Variants in ARID5B observed in about 807,000 individuals in gnomAD.
The protein encoded by ARID5B is AT-rich interaction domain 5B.
ARID5B carries 13 observed loss-of-function variants against 97.2 expected under a neutral mutation model. The ratio of observed to expected loss-of-function variants is 0.13; its 90% CI spans 0.09 to 0.21. The LOEUF is 0.21. ARID5B is among the 10% of genes least tolerant of loss of function. The pLI is 1.00. For missense variants in ARID5B, 1,210 were observed against 1,465.3 expected (o/e 0.83, Z 2.84); for synonymous variants, 556 against 570.3 (o/e 0.97, Z 0.36).
intron 3 of ARID5B, among the ~76,000 whole-genome samples, chr10:61,954,706 G>C (rs1432639002): frequency 6.6e-6 from 1 of 152,100 alleles, no homozygotes; most frequent in Non-Finnish European, 1.5e-5. Flanking sequence ...TGTCCTTGTG[G>C]TATCTATTTA....
At chr10:62,035,111 G>A (rs1001545167) in intron 4 of ARID5B, among the ~76,000 whole-genome samples, 2 of 152,188 alleles carry the variant, frequency 1.3e-5, no homozygotes, top group African/African-American at 4.8e-5. Flanking sequence ...TTACAATGTG[G>A]GTGTATATGT....
chr10:61,970,927 G>C (rs78103769), intron 3 of ARID5B, among the ~76,000 whole-genome samples: 166 of 151,956 alleles, frequency 1.1e-3, no homozygotes, highest in African/African-American at 3.8e-3. Context: ...TTATTTTTCT[G>C]TAAGTAGATT....
chr10:62,091,099 C>A lies in ARID5B; in HGVS notation c.1636C>A (p.Pro546Thr). 6.2e-7 allele frequency: 1 copy of A among 1,614,120 alleles called. No homozygotes were observed. Among genetic ancestry groups the A allele is most frequent in the East Asian group, 2.2e-5 (1 of 44,884 alleles). The change falls in exon 10 of 10, where the codon CCT becomes ACT. Residue 546 changes from proline (P) to threonine (T), a missense_variant. Physicochemically the swap from Pro to Thr is conservative, Grantham distance 38. This residue lies in a region of ARID5B where 800 missense variants were observed against 839.1 expected (regional missense o/e 0.95). Transcript: ENST00000279873. ...GCCCACACCTCCACTCCCAAGTGCTCCTCTGGCCCCAGAAAAAGATTCAGC... is the reference window on the plus strand; with the variant it reads ...GCCCACACCTCCACTCCCAAGTGCTACTCTGGCCCCAGAAAAAGATTCAGC... ...KGPTPPLPSA[P>T]LAPEKDSALV...
At chr10:61,996,221 C>T (rs148093079) in intron 3 of ARID5B, among the ~76,000 whole-genome samples, 142 of 152,242 alleles carry the variant, frequency 9.3e-4, no homozygotes, top group African/African-American at 3.2e-3. Context: ...AACAAGCTAA[C>T]CTAAGGAGAG....
intron 2 of ARID5B, among the ~76,000 whole-genome samples, chr10:61,933,861 C>T (rs1844253991): frequency 1.3e-5 from 2 of 152,198 alleles, no homozygotes; most frequent in African/African-American, 4.8e-5. Context: ...TCACCAGCTG[C>T]ATTAGCCCCT....
intron 4 of ARID5B, among the ~76,000 whole-genome samples, chr10:62,007,150 G>T (rs1295480517): frequency 1.3e-5 from 2 of 152,134 alleles, no homozygotes; most frequent in Admixed American, 6.5e-5. Context: ...GGGTAGTGGT[G>T]GTGGAGAGAG....
Position 62,091,322 on chromosome 10 carries a change from C to T in ARID5B, c.1859C>T (p.Ala620Val). The T allele has an allele frequency of 6.2e-7, 1 of 1,614,206 alleles. No individual in the cohort carries two copies. The highest frequency in any genetic ancestry group is 8.5e-7 in the Non-Finnish European group (1 of 1,180,026). ...ETEDDKLPAM[A>V]DYIANCTVKV... ...GAGGATGACAAACTGCCCGCCATGGCAGATTACATTGCCAACTGCACCGTG... is the reference window on the plus strand; with the variant it reads ...GAGGATGACAAACTGCCCGCCATGGTAGATTACATTGCCAACTGCACCGTG... Residue 620 changes from alanine (A) to valine (V), a missense_variant, in exon 10 of 10, where the codon GCA (alanine) becomes GTA (valine). By Grantham distance (64) the Ala-to-Val change is moderately conservative (BLOSUM62 0). Around this residue, in one of 8 missense-constraint regions of ARID5B, gnomAD observed 800 missense variants for 839.1 expected, o/e 0.95. Transcript: ENST00000279873.
intron 3 of ARID5B, among the ~76,000 whole-genome samples, chr10:61,967,744 G>A (rs1838565999): frequency 6.6e-6 from 1 of 152,142 alleles, no homozygotes; most frequent in Non-Finnish European, 1.5e-5. Context: ...TTTCTGGCCT[G>A]TGAATGTTAA....
chr10:62,051,451 T>C (rs767327703), intron 5 of ARID5B, among the ~76,000 whole-genome samples: 5 of 152,242 alleles, frequency 3.3e-5, no homozygotes, highest in African/African-American at 4.8e-5. Context: ...TTTTTAGTTA[T>C]GTATTTTTCA....
intron 4 of ARID5B, among the ~76,000 whole-genome samples, chr10:62,019,369 A>G (rs917556900): frequency 1.3e-5 from 2 of 152,214 alleles, no homozygotes; most frequent in Admixed American, 6.5e-5. Context: ...CCTCGGGACT[A>G]TGAAATAACC....
At chr10:61,936,842 TTCCCCA>T (rs1564606828) in intron 2 of ARID5B, among the ~76,000 whole-genome samples, 37 of 34,688 alleles carry the variant, frequency 1.1e-3, no homozygotes, top group Non-Finnish European at 1.4e-3. Context: ...CCTTTTTTTC[TTCCCCA>T]AAAAAAAAAA....
intron 3 of ARID5B, among the ~76,000 whole-genome samples, chr10:61,958,780 G>A (rs934636319): frequency 6.6e-6 from 1 of 152,162 alleles, no homozygotes; most frequent in Non-Finnish European, 1.5e-5. Flanking sequence ...TGTTGTCTCC[G>A]ATAAGTGCAT....
intron 4 of ARID5B, among the ~76,000 whole-genome samples, chr10:62,042,693 C>T (rs569771520): frequency 1.3e-5 from 2 of 151,976 alleles, no homozygotes; most frequent in Admixed American, 6.5e-5. Context: ...GGTTGGATCA[C>T]GAGGTCAGGA....
intron 4 of ARID5B, among the ~76,000 whole-genome samples, chr10:62,042,638 G>A (rs1453827783): frequency 1.3e-5 from 2 of 152,304 alleles, no homozygotes; most frequent in Non-Finnish European, 2.9e-5. Flanking sequence ...CTGGCTGTGC[G>A]TCGTGGCTCA....
chr10:61,992,927 G>T (rs1443470751), intron 3 of ARID5B, among the ~76,000 whole-genome samples: 1 of 152,160 alleles, frequency 6.6e-6, no homozygotes, highest in Non-Finnish European at 1.5e-5. Context: ...AACCACAACA[G>T]TGCAATACTG....
chr10:61,930,940 C>G (rs912297530), intron 2 of ARID5B, among the ~76,000 whole-genome samples: 3 of 152,068 alleles, frequency 2.0e-5, no homozygotes, highest in African/African-American at 7.2e-5. Context: ...CCAGGAGTCT[C>G]ATGGCTTCTG....
chr10:62,021,029 A>AATATATATAT lies in ARID5B; in HGVS notation c.733+20739_733+20748dup, dbSNP rs10528323. ...ACTGGGATCATGGGTTTGTCACATGAATATATATATATATATATATATATA... is the reference window on the plus strand; with the variant it reads ...ACTGGGATCATGGGTTTGTCACATGAATATATATATATATATATATATATATATATATATA... On this transcript the variant is annotated intron_variant, in intron 4 of 9. Transcript: ENST00000279873. 2.6e-3 allele frequency among the ~76,000 whole-genome samples: 280 copies of AATATATATAT among 106,778 alleles called. 1 individual carries two copies. The highest frequency in any genetic ancestry group is 6.4e-3 in the African/African-American group (159 of 24,842). 70.1% of individuals were successfully genotyped at this position (106,778 alleles called of 152,430 possible).
intron 5 of ARID5B, 86 bp downstream of exon 5, chr10:62,051,086 G>C: frequency 8.8e-7 from 1 of 1,137,744 alleles, no homozygotes; most frequent in Non-Finnish European, 1.3e-6. Flanking sequence ...CTGTGTCTTG[G>C]AGGCAGTTTT....
At chr10:61,903,448 G>T (rs975255365) in intron 2 of ARID5B, among the ~76,000 whole-genome samples, 2 of 152,154 alleles carry the variant, frequency 1.3e-5, no homozygotes, top group Non-Finnish European at 2.9e-5. Context: ...TCAGCTGACC[G>T]ACCTCAGCGC....
Sources: gnomAD v4.1 joint callset for allele counts (sites outside exome capture counted in the v4.1 genomes callset) on GRCh38, gnomAD v4.1.1 for gene constraint, gnomAD v4.1.1 regional missense constraint, MANE v1.5 for transcripts, NCBI Gene and HGNC (gene_info 2026-07-23, HGNC 2026-07-21) for gene names.